The following SHANK2 variants were observed in gnomAD, a reference collection of about 807,000 sequenced individuals.
SHANK2 encodes SH3 and multiple ankyrin repeat domains protein 2.
Under a neutral mutation model 133.7 loss-of-function variants are expected in SHANK2, and 43 were observed. The ratio of observed to expected loss-of-function variants is 0.32; its 90% confidence interval spans 0.25 to 0.41. SHANK2 has a LOEUF of 0.41. Ranked by LOEUF, SHANK2 falls within the 10% of genes least tolerant of loss-of-function variation. The pLI is 1.00. For synonymous variants in SHANK2, 1,017 were observed against 952.8 expected (o/e 1.07, Z -1.24); for missense variants, 1,994 against 2,235.8 (o/e 0.89, Z 2.18).
intron 17 of SHANK2, among the ~76,000 whole-genome samples, chr11:70,574,930 G>A (rs554387579): frequency 3.3e-5 from 5 of 152,226 alleles, no homozygotes; most frequent in African/African-American, 9.6e-5. Flanking sequence ...CATGATACCC[G>A]GAGGCTGAGC....
intron 14 of SHANK2, among the ~76,000 whole-genome samples, chr11:70,785,637 G>A (rs1372261968): frequency 6.6e-6 from 1 of 152,178 alleles, no homozygotes; most frequent in Non-Finnish European, 1.5e-5. Flanking sequence ...TGGGGTGAAG[G>A]GAGGTCTCTA....
At chr11:71,196,905 T>C (rs201419244) in intron 2 of SHANK2, among the ~76,000 whole-genome samples, 2 of 145,782 alleles carry the variant, frequency 1.4e-5, no homozygotes, top group South Asian at 2.1e-4. Context: ...GGCTGAGGCA[T>C]GAGAATTGCT....
intron 11 of SHANK2, chr11:70,826,839 T>C (rs1424521808): frequency 4.3e-6 from 1 of 234,858 alleles, no homozygotes; most frequent in Non-Finnish European, 8.7e-6. Flanking sequence ...CGCGGAGGGT[T>C]AACGCGGATC....
chr11:70,719,595 T>TGTGATCTA (rs1243272049), intron 14 of SHANK2, among the ~76,000 whole-genome samples: 3 of 152,068 alleles, frequency 2.0e-5, no homozygotes, highest in Non-Finnish European at 4.4e-5. Context: ...CGTGGTCTGA[T>TGTGATCTA]GTGATCTATG....
At chr11:70,919,405 C>T (rs184444842) in intron 10 of SHANK2, among the ~76,000 whole-genome samples, 9 of 150,974 alleles carry the variant, frequency 6.0e-5, no homozygotes, top group Admixed American at 4.6e-4. Context: ...TTTTTGAGAC[C>T]GAGTCTCACT....
chr11:70,764,457 T>C (rs997485921), intron 14 of SHANK2, among the ~76,000 whole-genome samples: 9 of 140,522 alleles, frequency 6.4e-5, no homozygotes, highest in African/African-American at 2.2e-4. Flanking sequence ...CTATCATCCA[T>C]CCATCCATTC....
At chr11:70,912,191 G>C (rs1950204285) in intron 10 of SHANK2, among the ~76,000 whole-genome samples, 1 of 151,492 alleles carries the variant, frequency 6.6e-6, no homozygotes, top group Non-Finnish European at 1.5e-5. Context: ...CTTACCACGT[G>C]ACCTTATGCA....
At chr11:70,742,993 T>C (rs1413030856) in intron 14 of SHANK2, among the ~76,000 whole-genome samples, 2 of 152,344 alleles carry the variant, frequency 1.3e-5, no homozygotes, top group Admixed American at 1.3e-4. Context: ...AGAAGCTTCG[T>C]GCATATTTTG....
intron 10 of SHANK2, chr11:70,911,260 C>T (rs1950187525): frequency 4.5e-6 from 2 of 448,256 alleles, no homozygotes; most frequent in African/African-American, 4.0e-5. Flanking sequence ...GAGTCTTGCT[C>T]TGTTGCCCTG....
chr11:71,214,379 A>T (rs1000559953), intron 2 of SHANK2, among the ~76,000 whole-genome samples: 12 of 152,216 alleles, frequency 7.9e-5, no homozygotes, highest in East Asian at 5.8e-4. Flanking sequence ...GCAACAAACC[A>T]GGGCTCCCCA....
chr11:70,775,391 G>A lies in SHANK2; in HGVS notation c.1777+23052C>T, dbSNP rs541254591. Reference sequence around the variant, plus strand: ...GAATCGCTTGAACCTGGGAGGCGGAGGTTGCAGTGAGCCAAGATGGTGCCA... The same window carrying A: ...GAATCGCTTGAACCTGGGAGGCGGAAGTTGCAGTGAGCCAAGATGGTGCCA... On this transcript the variant is annotated intron_variant, in intron 14 of 25. Transcript: ENST00000601538. Among the ~76,000 whole-genome samples, 577 of 152,314 alleles carry A rather than the reference G, an allele frequency of 3.8e-3. 2 individuals are homozygous for A. The highest frequency in any genetic ancestry group is 6.0e-3 in the Non-Finnish European group (406 of 68,030).
At chr11:71,172,907 C>T (rs1416595300) in intron 2 of SHANK2, among the ~76,000 whole-genome samples, 2 of 152,212 alleles carry the variant, frequency 1.3e-5, no homozygotes, top group South Asian at 2.1e-4. Context: ...CAAAAATGCA[C>T]GAGCACAGCA....
chr11:70,592,909 C>T (rs782120601), intron 17 of SHANK2, among the ~76,000 whole-genome samples: 2 of 152,220 alleles, frequency 1.3e-5, no homozygotes, highest in African/African-American at 2.4e-5. Context: ...CCAGCCTCCT[C>T]GGCCCTGCCC....
At chr11:70,711,316 C>T (rs1945777798) in intron 14 of SHANK2, among the ~76,000 whole-genome samples, 1 of 152,228 alleles carries the variant, frequency 6.6e-6, no homozygotes, top group African/African-American at 2.4e-5. Flanking sequence ...CCCCCCAGTG[C>T]TGCACCCGAA....
intron 1 of SHANK2, among the ~76,000 whole-genome samples, chr11:71,249,803 TG>T (rs1371485407): frequency 2.0e-5 from 3 of 152,192 alleles, no homozygotes; most frequent in African/African-American, 7.2e-5. Flanking sequence ...TTCTGTATAC[TG>T]GTTAATTCCC....
intron 3 of SHANK2, among the ~76,000 whole-genome samples, chr11:71,140,632 G>A (rs1952537306): frequency 1.3e-5 from 2 of 152,202 alleles, no homozygotes; most frequent in African/African-American, 4.8e-5. Context: ...GGACCCAGGA[G>A]AACAGAAACA....
At chr11:70,554,726 C>G (rs1289131780) in intron 17 of SHANK2, among the ~76,000 whole-genome samples, 2 of 152,128 alleles carry the variant, frequency 1.3e-5, no homozygotes, top group African/African-American at 4.8e-5. Flanking sequence ...CCCGTTCCCC[C>G]ACTCCAGTGC....
At chr11:70,859,728 C>A (rs1555067435) in intron 11 of SHANK2, among the ~76,000 whole-genome samples, 1 of 152,172 alleles carries the variant, frequency 6.6e-6, no homozygotes, top group Non-Finnish European at 1.5e-5. Context: ...GTTTGACCTC[C>A]ACGAAGTGAG....
At chr11:71,106,157 G>A (rs534806583) in intron 6 of SHANK2, among the ~76,000 whole-genome samples, 1 of 152,328 alleles carries the variant, frequency 6.6e-6, no homozygotes, top group South Asian at 2.1e-4. Context: ...AATCAGCTCT[G>A]CTCATTTCAC....
Sources: gnomAD v4.1 joint callset for allele counts (sites outside exome capture counted in the v4.1 genomes callset) on GRCh38, gnomAD v4.1.1 for gene constraint, MANE v1.5 for transcripts, NCBI Gene and HGNC (gene_info 2026-07-23, HGNC 2026-07-21) for gene names.